The following ATG9B variants were observed in gnomAD, a reference collection of about 807,000 sequenced individuals.
ATG9B encodes the protein autophagy-related protein 9B.
ATG9B carries 92 observed loss-of-function variants against 92.9 expected under a neutral mutation model. That is an observed-to-expected ratio of 0.99 (90% confidence interval 0.84 to 1.18). The LOEUF is 1.18. Ranked by LOEUF, ATG9B falls within the 50% of genes most tolerant of loss-of-function variation. The pLI is 0.00. For synonymous variants in ATG9B, 599 were observed against 551.4 expected (o/e 1.09, Z -1.21); for missense variants, 1,344 against 1,235.0 (o/e 1.09, Z -1.32).
At position 151,017,999 on chromosome 7, in the gene ATG9B, G is replaced by T. The variant is rs1391665608; in HGVS notation, c.1924C>A (p.Leu642Ile). 6.2e-7 allele frequency: 1 copy of T among 1,603,868 alleles called. No homozygotes were observed. Residue 642 changes from leucine (L) to isoleucine (I), a missense_variant, in exon 8 of 14, where the codon CTT (leucine) becomes ATT (isoleucine). By Grantham distance (5) the Leu-to-Ile change is conservative. Coordinates refer to ENST00000639579, the MANE Select transcript of ATG9B (RefSeq NM_001317056.2). ...LSPLLTPLFL[L>I]FWFRPRALEI... is the part of the protein sequence containing the mutation. ...AGGGCACGAGGGCGGAACCAGAAAA[G>T]CAGAAACAGCGGGGTGAGGAGCGGG... is the stretch of plus-strand genomic sequence containing the variant.
In ATG9B at chr7:151,015,417, C is replaced by T. The variant is rs1441697720; in HGVS notation, c.*311G>A. On this transcript the variant is annotated 3_prime_UTR_variant, in exon 14 of 14. Transcript: ENST00000639579. ...CCTCATCCTTGACCTCTGTCCCCCA[C>T]CTTGAGGAAACTCGAGGACTTCTTC... The T allele has an allele frequency of 6.5e-6, 1 of 154,010 alleles. No homozygotes were observed. Among genetic ancestry groups the T allele is most frequent in the Non-Finnish European group, 1.4e-5 (1 of 69,324 alleles). 9.5% of individuals were successfully genotyped at this position (154,010 alleles called of 1,614,324 possible).
intron 10 of ATG9B, 46 bp from the exon 11 acceptor site, chr7:151,016,573 C>T (rs1050611654): frequency 6.5e-6 from 10 of 1,544,784 alleles, no homozygotes; most frequent in Non-Finnish European, 8.7e-6. Context: ...CCTCCTCCCG[C>T]CACACCCCAG....
In ATG9B at chr7:151,023,219, A is replaced by G; in HGVS notation, c.660-13T>C. The G allele has an allele frequency of 6.2e-7, 1 of 1,614,046 alleles. No individual in the cohort carries two copies. Among genetic ancestry groups the G allele is most frequent in the Non-Finnish European group, 8.5e-7 (1 of 1,179,980 alleles). ...GAAAATAAATTGTCTGCCGGGAGGAAGGGGGGGTGCCGGGATGCTGCAGTG... is the reference window on the plus strand; with the variant it reads ...GAAAATAAATTGTCTGCCGGGAGGAGGGGGGGGTGCCGGGATGCTGCAGTG... On this transcript the variant is annotated splice_polypyrimidine_tract_variant and intron_variant, in intron 3 of 13. Transcript: ENST00000639579.
At chr7:151,016,646 C>G in intron 10 of ATG9B, 42 bp downstream of exon 10, 1 of 1,545,950 alleles carries the variant, frequency 6.5e-7, no homozygotes, top group Non-Finnish European at 8.7e-7. Flanking sequence ...GATCAGCCCA[C>G]CCCCCTCCAC....
downstream of ATG9B, chr7:151,014,361 C>G (rs1040199580): frequency 2.4e-5 from 15 of 629,088 alleles, no homozygotes; most frequent in African/African-American, 2.4e-4. Context: ...CCTGTTGCCT[C>G]GGGCCTGGGT....
At chr7:151,012,487 T>A (rs528894843), downstream of ATG9B, 5 of 1,609,218 alleles carry the variant, frequency 3.1e-6, no homozygotes, top group South Asian at 3.3e-5. Context: ...GGCTGGGGAC[T>A]AAAGGACTGC....
chr7:151,017,558 G>A (rs186797335), intron 8 of ATG9B, among the ~76,000 whole-genome samples: 6 of 152,152 alleles, frequency 3.9e-5, no homozygotes, highest in Middle Eastern at 3.4e-3. Context: ...CCCACCCACC[G>A]GCCAAGCCCA....
Position 151,023,746 on chromosome 7 carries a change from A to C in ATG9B, c.551-16T>G. 1.9e-6 allele frequency: 3 copies of C among 1,613,922 alleles called. No homozygotes were observed. Among genetic ancestry groups the C allele is most frequent in the Non-Finnish European group, 2.5e-6 (3 of 1,179,960 alleles). ...TGCCAGGAGCCTGGGCACAGAGGGGAGAGTGTCAGCCCCTGGCATGTGATC... is the reference window on the plus strand; with the variant it reads ...TGCCAGGAGCCTGGGCACAGAGGGGCGAGTGTCAGCCCCTGGCATGTGATC... On this transcript the variant is annotated splice_polypyrimidine_tract_variant and intron_variant, in intron 1 of 13. Coordinates refer to ENST00000639579, the MANE Select transcript of ATG9B (RefSeq NM_001317056.2).
downstream of ATG9B, chr7:151,013,681 G>GCCC: frequency 8.3e-7 from 1 of 1,201,048 alleles, no homozygotes; most frequent in Non-Finnish European, 1.2e-6. Context: ...GCGCCCCCGC[G>GCCC]CCCACCCCCA....
In ATG9B at chr7:151,017,734, A is replaced by C. The variant is rs578123226; in HGVS notation, c.2052+137T>G. 1,906 of 1,085,624 alleles carry C rather than the reference A, an allele frequency of 1.8e-3. 7 individuals carry two copies. Among genetic ancestry groups the C allele is most frequent in the Middle Eastern group, 6.0e-3 (19 of 3,184 alleles). The allele number at this position is 1,085,624 out of a possible 1,614,324, so 67.2% of individuals were successfully genotyped here. A position where few individuals can be genotyped will look rare whatever the true frequency, so the allele number is the denominator to read the frequency against. On this transcript the variant is annotated intron_variant, in intron 8 of 13. Transcript: ENST00000639579. ...GCCATCTGACAGACGAGGGCACGAG[A>C]GCACAGGAAGGGAAGTGACCCGCTC...
chr7:151,012,674 C>T (rs3918207), downstream of ATG9B: 814 of 563,714 alleles, frequency 1.4e-3, 5 homozygotes, highest in African/African-American at 0.014. Context: ...GTGCCTGGTA[C>T]ATAGTAGGTG....
downstream of ATG9B, chr7:151,013,138 G>A: frequency 2.1e-6 from 3 of 1,403,394 alleles, no homozygotes; most frequent in South Asian, 2.6e-5. Context: ...CCAAAACGCT[G>A]GGCTGCCAGG....
chr7:151,013,552 T>TG, downstream of ATG9B: 2 of 931,676 alleles, frequency 2.1e-6, no homozygotes, highest in Non-Finnish European at 1.5e-6. Flanking sequence ...GCCCGCCTCC[T>TG]CCCGCCCCTG....
rs1446765953 is a variant in ATG9B at position 151,024,367 on chromosome 7, ATCTCCCCACCGCCCCAGCCGCCTTCT to A, written c.31_56del (p.Arg11SerfsTer129). ...GGAGGGGCACCGATCCGGGCCCCAGATCTCCCCACCGCCCCAGCCGCCTTCTTCTCCCCCCCCAGCCCATTCGGCTC... is the reference window on the plus strand; with the variant it reads ...GGAGGGGCACCGATCCGGGCCCCAGATCTCCCCCCCCAGCCCATTCGGCTC... On this transcript the variant is annotated frameshift_variant, in exon 1 of 14. Transcript: ENST00000639579. LOFTEE classifies it high-confidence loss of function. 2.5e-5 allele frequency: 35 copies of A among 1,382,770 alleles called. No individual in the cohort carries two copies. Among genetic ancestry groups the A allele is most frequent in the Non-Finnish European group, 3.2e-5 (34 of 1,063,346 alleles). The allele number at this position is 1,382,770 out of a possible 1,614,324, so 85.7% of individuals were successfully genotyped here.
At position 151,018,691 on chromosome 7, in the gene ATG9B, G is replaced by T. The variant is rs774223834; in HGVS notation, c.1647C>A (p.Asp549Glu). 3 of 1,604,246 alleles carry T rather than the reference G, an allele frequency of 1.9e-6. No individual in the cohort carries two copies. The highest frequency in any genetic ancestry group is 2.5e-6 in the Non-Finnish European group (3 of 1,177,736). The change falls in exon 6 of 14, where the codon GAC (aspartate) becomes GAA (glutamate). Residue 549 changes from aspartate to glutamate, a missense_variant. Asp to Glu is a conservative substitution (Grantham distance 45, BLOSUM62 2). Coordinates refer to ENST00000639579, the MANE Select transcript of ATG9B (RefSeq NM_001317056.2). This position sits in a 1 kb window ranked among gnomAD's most constrained non-coding sequence, Gnocchi z 4.7. ...FAALLVLTVYDEDVLAVEHVL... is the reference protein window; with the variant it reads ...FAALLVLTVYEEDVLAVEHVL... ...CGTGCTCCACGGCTAGCACGTCCTC[G>T]TCGTAGACGGTGAGCACAAGCAGCG...
chr7:151,023,382 A>G, intron 3 of ATG9B, 63 bp downstream of exon 3: 1 of 1,604,802 alleles, frequency 6.2e-7, no homozygotes, highest in Non-Finnish European at 8.5e-7. Flanking sequence ...TAAGGAAGCA[A>G]AATGACAGAA....
intron 1 of ATG9B, 68 bp downstream of exon 1, chr7:151,023,806 C>G: frequency 1.2e-6 from 2 of 1,612,076 alleles, no homozygotes; most frequent in Non-Finnish European, 1.7e-6. Context: ...GCCAGAGGCC[C>G]AGCCTGGGAT....
Position 151,017,017 on chromosome 7 carries a change from G to A in ATG9B, c.2289+19C>T. 1.3e-6 allele frequency: 2 copies of A among 1,568,918 alleles called. No individual in the cohort carries two copies. The highest frequency in any genetic ancestry group is 1.2e-5 in the South Asian group (1 of 86,444). On this transcript the variant is annotated intron_variant, in intron 9 of 13. Transcript: ENST00000639579. ...TTGTGGGGGTGAAGGCAGAAGGGGA[G>A]GCCAGGCTTGGGACTCACCAGGGGC... is the stretch of plus-strand genomic sequence containing the variant.
downstream of ATG9B, chr7:151,012,211 G>GTGGTTTTTTTTTTTTTTTT: frequency 1.4e-6 from 1 of 689,920 alleles, no homozygotes; most frequent in Non-Finnish European, 2.3e-6. Flanking sequence ...AAGTAGAGTT[G>GTGGTTTTTTTTTTTTTTTT]TTTTTTGTTT....
Sources: gnomAD v4.1 joint callset for allele counts (sites outside exome capture counted in the v4.1 genomes callset) on GRCh38, gnomAD v4.1.1 for gene constraint, Gnocchi (gnomAD v3.1) non-coding constraint, MANE v1.5 for transcripts, NCBI Gene and HGNC (gene_info 2026-07-23, HGNC 2026-07-21) for gene names.